PARG: variants seen among roughly 807,000 people sequenced by gnomAD.
PARG encodes poly(ADP-ribose) glycohydrolase.
A neutral mutation model predicts 113.0 loss-of-function variants in PARG; 35 were observed. The observed-to-expected ratio is 0.31, with a 90% CI of 0.24 to 0.41. The LOEUF (loss-of-function observed/expected upper bound fraction) is 0.41, where lower values mean the gene tolerates loss of function less well. Among genes scored for constraint, PARG ranks in the 10% least tolerant of loss-of-function variants. The probability of loss-of-function intolerance (pLI) is 1.00; values close to 1 mark genes in which losing one functional copy is unlikely to be tolerated. For missense variants in PARG, 797 were observed against 1,169.4 expected, an observed-to-expected ratio of 0.68 and a Z score of 4.64; for synonymous variants, 330 against 409.9, an observed-to-expected ratio of 0.81 and a Z score of 2.36.
intron 6 of PARG, among the ~76,000 whole-genome samples, chr10:49,921,159 T>C (rs1398959229): frequency 6.6e-6 from 1 of 152,168 alleles, no homozygotes; most frequent in Non-Finnish European, 1.5e-5. Context: ...GAGTTCCCTG[T>C]AGATAAATTA....
intron 7 of PARG, among the ~76,000 whole-genome samples, chr10:49,912,435 C>T (rs1327715831): frequency 6.2e-5 from 9 of 144,322 alleles, no homozygotes; most frequent in African/African-American, 1.6e-4. Context: ...GAGGCCGAGG[C>T]GGGCAGATCA....
intron 13 of PARG, among the ~76,000 whole-genome samples, chr10:49,849,368 A>C (rs2579037): frequency 0.92 from 138,929 of 150,330 alleles, 64,988 homozygotes; most frequent in East Asian, 1. Flanking sequence ...TATTATAAAG[A>C]TATAGCAACC....
chr10:49,828,258 T>C (rs1373283266), intron 16 of PARG, among the ~76,000 whole-genome samples: 3 of 152,126 alleles, frequency 2.0e-5, no homozygotes, highest in Non-Finnish European at 4.4e-5. Context: ...ATAAAACACA[T>C]GAACTGTTTT....
intron 4 of PARG, among the ~76,000 whole-genome samples, chr10:49,929,565 C>G (rs1296001074): frequency 6.6e-6 from 1 of 152,244 alleles, no homozygotes; most frequent in Non-Finnish European, 1.5e-5. Flanking sequence ...CGGTGGCTCA[C>G]GCCTGTAATC....
intron 16 of PARG, among the ~76,000 whole-genome samples, chr10:49,827,782 G>A: frequency 7.3e-6 from 1 of 137,078 alleles, no homozygotes; most frequent in East Asian, 2.0e-4. Context: ...CAGCAAAAGA[G>A]TAAGTCTTAT....
chr10:49,882,641 T>C (rs1442468415), intron 8 of PARG, among the ~76,000 whole-genome samples: 39 of 151,818 alleles, frequency 2.6e-4, no homozygotes, highest in Non-Finnish European at 4.3e-4. Flanking sequence ...AAATAAAATA[T>C]GGAAACTCTC....
chr10:49,834,050 A>G (rs1234718561), intron 15 of PARG, among the ~76,000 whole-genome samples: 1 of 152,204 alleles, frequency 6.6e-6, no homozygotes, highest in Non-Finnish European at 1.5e-5. Flanking sequence ...CCTGACAGAT[A>G]TTAATTATAA....
At chr10:49,848,896 T>C (rs1455827904) in intron 13 of PARG, among the ~76,000 whole-genome samples, 1 of 151,770 alleles carries the variant, frequency 6.6e-6, no homozygotes, top group Non-Finnish European at 1.5e-5. Context: ...AAAACTGACA[T>C]GAATAAACAG....
chr10:49,929,116 G>C (rs1172034970), intron 4 of PARG, among the ~76,000 whole-genome samples: 1 of 151,772 alleles, frequency 6.6e-6, no homozygotes, highest in Non-Finnish European at 1.5e-5. Context: ...TAACTATAGA[G>C]ATTATTTGAT....
At chr10:49,891,620 T>C (rs1847802724) in intron 7 of PARG, among the ~76,000 whole-genome samples, 1 of 43,542 alleles carries the variant, frequency 2.3e-5, no homozygotes, top group African/African-American at 1.2e-4. Flanking sequence ...TATATATATA[T>C]ATATTTTTTT....
At chr10:49,880,970 T>C (rs1193745207) in intron 8 of PARG, among the ~76,000 whole-genome samples, 2 of 152,192 alleles carry the variant, frequency 1.3e-5, no homozygotes, top group Non-Finnish European at 2.9e-5. Context: ...CTGTAAAGAA[T>C]CCCTATTCCT....
chr10:49,896,156 T>C (rs1322646304), intron 7 of PARG, among the ~76,000 whole-genome samples: 16 of 152,356 alleles, frequency 1.1e-4, no homozygotes, highest in African/African-American at 3.1e-4. Context: ...TGGGTGTTCT[T>C]GCTTTTCCCC....
intron 7 of PARG, among the ~76,000 whole-genome samples, chr10:49,886,282 ACT>A (rs1304403147): frequency 1.3e-5 from 2 of 152,164 alleles, no homozygotes; most frequent in African/African-American, 4.8e-5. Context: ...GAAGAAACAG[ACT>A]CTTGACAAAA....
chr10:49,890,934 C>T (rs1395987775), intron 7 of PARG, among the ~76,000 whole-genome samples: 1 of 152,214 alleles, frequency 6.6e-6, no homozygotes, highest in African/African-American at 2.4e-5. Context: ...AAATCTGTAG[C>T]TTGCAACATG....
intron 4 of PARG, among the ~76,000 whole-genome samples, chr10:49,924,341 A>T (rs1838046193): frequency 6.6e-6 from 1 of 152,204 alleles, no homozygotes; most frequent in South Asian, 2.1e-4. Context: ...ACTTCACTGC[A>T]GAGCATAATC....
intron 7 of PARG, among the ~76,000 whole-genome samples, chr10:49,896,471 G>A (rs1848092262): frequency 2.0e-5 from 3 of 152,154 alleles, no homozygotes; most frequent in Non-Finnish European, 4.4e-5. Flanking sequence ...TTTTAGTAGA[G>A]ATGGAGTTTT....
intron 7 of PARG, among the ~76,000 whole-genome samples, chr10:49,913,962 A>G (rs1249409985): frequency 1.3e-5 from 2 of 152,154 alleles, no homozygotes; most frequent in African/African-American, 4.8e-5. Flanking sequence ...TTCTCCCTAA[A>G]TAACTGTAAA....
At chr10:49,852,733 T>G (rs1845812607) in intron 13 of PARG, among the ~76,000 whole-genome samples, 1 of 151,222 alleles carries the variant, frequency 6.6e-6, no homozygotes, top group Admixed American at 6.6e-5. Flanking sequence ...CCTGGCTAAT[T>G]TTTTGTATTT....
intron 13 of PARG, among the ~76,000 whole-genome samples, chr10:49,849,190 C>T (rs1452200727): frequency 1.3e-5 from 2 of 148,856 alleles, no homozygotes; most frequent in African/African-American, 2.5e-5. Flanking sequence ...AGCGAAACTC[C>T]GTCTCAAAAA....
Sources: allele counts gnomAD v4.1 joint callset (sites outside exome capture counted in the v4.1 genomes callset), GRCh38; gene constraint gnomAD v4.1.1; transcripts MANE v1.5; gene names NCBI Gene and HGNC (gene_info 2026-07-23, HGNC 2026-07-21).